Variants in MDGA2 observed in about 807,000 individuals in gnomAD.
The protein encoded by MDGA2 is MAM domain containing glycosylphosphatidylinositol anchor 2, also known as MAM domain-containing glycosylphosphatidylinositol anchor protein 2.
Under a neutral mutation model 117.8 loss-of-function variants are expected in MDGA2, and 40 were observed. That is an observed-to-expected ratio of 0.34 (90% confidence interval 0.26 to 0.44). The LOEUF is 0.44. MDGA2 is among the 20% of genes least tolerant of loss of function. MDGA2 has a pLI of 1.00. For missense variants in MDGA2, 1,123 were observed against 1,250.6 expected (o/e 0.90, Z 1.54); for synonymous variants, 452 against 439.0 (o/e 1.03, Z -0.37).
At chr14:47,164,181 G>A (rs1249483057) in intron 3 of MDGA2, among the ~76,000 whole-genome samples, 2 of 152,106 alleles carry the variant, frequency 1.3e-5, no homozygotes, top group Admixed American at 1.3e-4. Context: ...AATAGATATA[G>A]CTATAAATTA....
At chr14:47,139,804 G>A (rs5028962) in intron 4 of MDGA2, among the ~76,000 whole-genome samples, 11 of 143,154 alleles carry the variant, frequency 7.7e-5, no homozygotes, top group South Asian at 2.2e-4. Flanking sequence ...GTATATATAT[G>A]TATATATATA....
intron 1 of MDGA2, among the ~76,000 whole-genome samples, chr14:47,646,440 G>A (rs1032376581): frequency 1.4e-4 from 21 of 151,982 alleles, no homozygotes; most frequent in Non-Finnish European, 2.8e-4. Context: ...TACTTCTGAA[G>A]CCAAAATAGT....
chr14:47,467,720 T>A (rs927895678), intron 1 of MDGA2, among the ~76,000 whole-genome samples: 1 of 152,126 alleles, frequency 6.6e-6, no homozygotes, highest in Admixed American at 6.6e-5. Context: ...GAGGGATAAA[T>A]GAAGTTGTTC....
At chr14:47,103,118 G>A (rs987771964) in intron 5 of MDGA2, among the ~76,000 whole-genome samples, 1 of 152,170 alleles carries the variant, frequency 6.6e-6, no homozygotes, top group South Asian at 2.1e-4. Context: ...TTAAGTTTCC[G>A]CTTCTGTTCC....
At chr14:47,659,029 TGGGGTC>T (rs1897796853) in intron 1 of MDGA2, among the ~76,000 whole-genome samples, 2 of 152,164 alleles carry the variant, frequency 1.3e-5, no homozygotes, top group Non-Finnish European at 2.9e-5. Flanking sequence ...ACCTTCCACT[TGGGGTC>T]GGTTTCCTGG....
intron 8 of MDGA2, among the ~76,000 whole-genome samples, chr14:47,021,832 G>C (rs28484922): frequency 1.3e-5 from 2 of 152,238 alleles, no homozygotes; most frequent in African/African-American, 4.8e-5. Context: ...GGCACTGCTA[G>C]AATTTGAATC....
At chr14:47,306,857 G>GAGAGAGAGAC (rs1889466468) in intron 1 of MDGA2, among the ~76,000 whole-genome samples, 1 of 151,870 alleles carries the variant, frequency 6.6e-6, no homozygotes, top group Non-Finnish European at 1.5e-5. Context: ...GAGAGAGAGA[G>GAGAGAGAGAC]AGAGAGAGAG....
chr14:46,993,164 A>G (rs1302679105), intron 8 of MDGA2, among the ~76,000 whole-genome samples: 1 of 152,148 alleles, frequency 6.6e-6, no homozygotes, highest in Non-Finnish European at 1.5e-5. Context: ...TTATTCTAGC[A>G]TTATGATGAT....
At chr14:47,311,902 A>G (rs1268499953) in intron 1 of MDGA2, among the ~76,000 whole-genome samples, 1 of 152,112 alleles carries the variant, frequency 6.6e-6, no homozygotes, top group Admixed American at 6.5e-5. Context: ...TTAAAAGTCT[A>G]GACATTCCTT....
rs191951848 is a variant in MDGA2, at chr14:47,431,280, G to A, written c.281-129730C>T. Among the ~76,000 whole-genome samples the A allele has an allele frequency of 3.9e-4, 59 of 151,842 alleles. 1 individual carries two copies. The highest frequency in any genetic ancestry group is 1.4e-3 in the African/African-American group (58 of 41,400). Reference sequence around the variant, plus strand: ...ACTCAGCTTTGAAAATGGACTCACGGTGTAAGTTTTAATCATCAGTTTAGG... The same window carrying A: ...ACTCAGCTTTGAAAATGGACTCACGATGTAAGTTTTAATCATCAGTTTAGG... On this transcript the variant is annotated intron_variant, in intron 1 of 16. Coordinates refer to ENST00000399232, the MANE Select transcript of MDGA2 (RefSeq NM_001113498.3).
At chr14:47,592,997 G>A (rs1398417337) in intron 1 of MDGA2, among the ~76,000 whole-genome samples, 1 of 151,894 alleles carries the variant, frequency 6.6e-6, no homozygotes, top group Non-Finnish European at 1.5e-5. Context: ...ATCTGACAAA[G>A]GGCTCATATC....
chr14:46,864,555 T>G (rs867842313), intron 14 of MDGA2, among the ~76,000 whole-genome samples: 23 of 42,488 alleles, frequency 5.4e-4, no homozygotes, highest in African/African-American at 2.9e-3. Context: ...GTTTTTTTTT[T>G]TTTTTTTTTT....
At chr14:47,655,512 G>A (rs894010993) in intron 1 of MDGA2, among the ~76,000 whole-genome samples, 9 of 152,034 alleles carry the variant, frequency 5.9e-5, no homozygotes, top group South Asian at 4.1e-4. Context: ...CAAGTACTTC[G>A]GAAGTCTGGG....
chr14:46,998,682 C>A, intron 8 of MDGA2, among the ~76,000 whole-genome samples: 1 of 152,062 alleles, frequency 6.6e-6, no homozygotes, highest in East Asian at 1.9e-4. Context: ...TTTCAAACCT[C>A]TCAGAGAATT....
intron 1 of MDGA2, among the ~76,000 whole-genome samples, chr14:47,462,822 G>C (rs746704606): frequency 1.4e-4 from 21 of 152,088 alleles, no homozygotes; most frequent in African/African-American, 5.1e-4. Context: ...TAATTATTTG[G>C]ACTTCTTCTT....
chr14:47,006,840 T>C (rs895089014), intron 8 of MDGA2, among the ~76,000 whole-genome samples: 2 of 151,724 alleles, frequency 1.3e-5, no homozygotes, highest in Non-Finnish European at 3.0e-5. Flanking sequence ...CCTAGGTCTC[T>C]CATTTTAGCT....
chr14:47,061,515 A>C lies in MDGA2; in HGVS notation c.1259T>G (p.Ile420Ser). ...GCAAGATATTTTCACCTCACGGCCA[A>C]TCTGGATGTTGTCATCTTTGTGATA... Reference protein sequence around the residue: ...DPYHKDDNIQIGREVKISCQV... With the variant: ...DPYHKDDNIQSGREVKISCQV... Residue 420 changes from isoleucine to serine, a missense_variant, in exon 7 of 17, where the codon ATT becomes AGT. Ile to Ser is a moderately radical substitution (Grantham distance 142, BLOSUM62 -2). Transcript: ENST00000399232. 6.2e-7 allele frequency: 1 copy of C among 1,613,308 alleles called. No individual in the cohort carries two copies.
chr14:47,274,263 G>A (rs936196845), intron 2 of MDGA2, among the ~76,000 whole-genome samples: 9 of 151,818 alleles, frequency 5.9e-5, no homozygotes, highest in African/African-American at 2.2e-4. Context: ...AGCCCTAAAC[G>A]ACCACTATTT....
At chr14:47,646,447 T>G (rs1334233924) in intron 1 of MDGA2, among the ~76,000 whole-genome samples, 2 of 152,142 alleles carry the variant, frequency 1.3e-5, no homozygotes, top group Non-Finnish European at 2.9e-5. Context: ...GAAGCCAAAA[T>G]AGTGGAAAAG....
Sources: gnomAD v4.1 joint callset for allele counts (sites outside exome capture counted in the v4.1 genomes callset) on GRCh38, gnomAD v4.1.1 for gene constraint, MANE v1.5 for transcripts, NCBI Gene and HGNC (gene_info 2026-07-23, HGNC 2026-07-21) for gene names.